Variants in POLR3C observed in about 807,000 individuals in gnomAD.
POLR3C encodes the protein RNA polymerase III subunit C.
In POLR3C, 44 loss-of-function variants were observed where a neutral mutation model predicts 65.9. The ratio of observed to expected loss-of-function variants is 0.67; its 90% CI spans 0.52 to 0.86. POLR3C has a LOEUF of 0.86. POLR3C is among the 40% of genes least tolerant of loss of function. The pLI is 0.00. For synonymous variants in POLR3C, 263 were observed against 231.6 expected (o/e 1.14, Z -1.23); for missense variants, 576 against 653.2 (o/e 0.88, Z 1.29).
intron 14 of POLR3C, among the ~76,000 whole-genome samples, 183 bp from the exon 15 acceptor site, chr1:145,842,156 A>G (rs373638828): frequency 2.6e-5 from 4 of 152,256 alleles, no homozygotes; most frequent in African/African-American, 7.2e-5. Context: ...AGCAGTTTGC[A>G]TGGTGTCTGG....
chr1:145,827,149 C>A, intron 4 of POLR3C, 144 bp downstream of exon 4: 1 of 701,494 alleles, frequency 1.4e-6, no homozygotes, highest in Non-Finnish European at 2.4e-6. Flanking sequence ...AAATCATGGT[C>A]TCTGCCATGG....
At position 145,844,281 on chromosome 1, in the gene POLR3C, T is replaced by C. The variant is rs1239901202; in HGVS notation, c.*1861T>C. 6.6e-6 allele frequency among the ~76,000 whole-genome samples: 1 copy of C among 152,138 alleles called. No individual in the cohort carries two copies. The highest frequency in any genetic ancestry group is 1.5e-5 in the Non-Finnish European group (1 of 68,022). ...ATCAACCTAAGTGCCCATCAATAGA[T>C]GAAAGGCTAAAGAAAATGTATTATT... On this transcript the variant is annotated 3_prime_UTR_variant, in exon 15 of 15. Transcript: ENST00000334163.
chr1:145,825,697 G>A, intron 1 of POLR3C, 60 bp from the exon 2 acceptor site: 1 of 1,042,078 alleles, frequency 9.6e-7, no homozygotes, highest in Non-Finnish European at 1.4e-6. Flanking sequence ...TTTACACTCA[G>A]CAGCTCTGCT....
intron 7 of POLR3C, among the ~76,000 whole-genome samples, chr1:145,834,598 C>A (rs1651639315): frequency 1.3e-5 from 2 of 152,062 alleles, no homozygotes; most frequent in African/African-American, 4.8e-5. Flanking sequence ...TTGCTTGAAC[C>A]CAGGAGGCAG....
intron 14 of POLR3C, 134 bp from the exon 15 acceptor site, chr1:145,842,205 G>T: frequency 1.6e-6 from 1 of 615,432 alleles, no homozygotes; most frequent in East Asian, 2.7e-5. Context: ...ATGATCTACT[G>T]GTTCTCCTGC....
In POLR3C at chr1:145,838,226, A is replaced by G; in HGVS notation, c.1221+20A>G. On this transcript the variant is annotated intron_variant, in intron 11 of 14. Transcript: ENST00000334163. ...CTCCAGGTAACCAACCAAGGGCGTA[A>G]TAATTGCCAACCAGCAAAGCTGGCC... The G allele has an allele frequency of 6.2e-7, 1 of 1,606,366 alleles. No individual in the cohort carries two copies. The highest frequency in any genetic ancestry group is 8.5e-7 in the Non-Finnish European group (1 of 1,173,506).
chr1:145,842,292 T>C (rs1470376519), intron 14 of POLR3C, 47 bp from the exon 15 acceptor site: 1 of 1,164,458 alleles, frequency 8.6e-7, no homozygotes, highest in African/African-American at 1.5e-5. Context: ...ATCTTAAATA[T>C]GCTAATGAAC....
At chr1:145,824,524 A>G (rs992839406) in intron 1 of POLR3C, 155 bp downstream of exon 1, 2 of 1,290,008 alleles carry the variant, frequency 1.6e-6, no homozygotes, top group Non-Finnish European at 2.0e-6. Context: ...TGCTTCTCCA[A>G]AGATATGTGG....
chr1:145,834,921 C>T (rs1371148342), intron 7 of POLR3C, among the ~76,000 whole-genome samples: 4 of 151,898 alleles, frequency 2.6e-5, no homozygotes, highest in Non-Finnish European at 5.9e-5. Flanking sequence ...AGAAGGATCC[C>T]TTGAGGCCAG....
chr1:145,832,375 G>C (rs1651408886), intron 5 of POLR3C, among the ~76,000 whole-genome samples: 1 of 152,150 alleles, frequency 6.6e-6, no homozygotes, highest in Non-Finnish European at 1.5e-5. Context: ...AGTAGAAAGA[G>C]ACTTGGACAG....
At position 145,828,817 on chromosome 1, in the gene POLR3C, T is replaced by C. The variant is rs781882890; in HGVS notation, c.658T>C (p.Tyr220His). Residue 220 changes from tyrosine (Y) to histidine (H), a missense_variant, in exon 5 of 15, where the codon TAT (tyrosine) becomes CAT (histidine). Physicochemically the swap from Tyr to His is moderately conservative, Grantham distance 83 (BLOSUM62 2). Coordinates refer to ENST00000334163, the MANE Select transcript of POLR3C (RefSeq NM_006468.8). ...AGEPKAKRPK[Y>H]TTDNKEPIPD... ...GGAGCCCAAGGCCAAGAGACCAAAA[T>C]ATACTACAGATAACAAGGAGGTAAT... 6.3e-7 allele frequency: 1 copy of C among 1,589,250 alleles called. No individual in the cohort carries two copies. The highest frequency in any genetic ancestry group is 8.6e-7 in the Non-Finnish European group (1 of 1,157,442).
In POLR3C at chr1:145,828,772, T is replaced by G. The variant is rs1553726444; in HGVS notation, c.613T>G (p.Ser205Ala). 1.2e-6 allele frequency: 2 copies of G among 1,609,358 alleles called. No individual in the cohort carries two copies. The highest frequency in any genetic ancestry group is 1.7e-6 in the Non-Finnish European group (2 of 1,175,788). Residue 205 changes from serine (S) to alanine (A), a missense_variant, in exon 5 of 15, where the codon TCT (serine) becomes GCT (alanine). By Grantham distance (99) the Ser-to-Ala change is moderately conservative (BLOSUM62 1). Coordinates refer to ENST00000334163, the MANE Select transcript of POLR3C (RefSeq NM_006468.8). ...AGGGAAAGGTAAAAGGAGGAGATCA[T>G]CTGATGAAGATGCTGCTGGGGAGCC... ...LIGKGKRRRS[S>A]DEDAAGEPKA...
chr1:145,833,428 A>T, intron 6 of POLR3C, 62 bp from the exon 7 acceptor site: 1 of 1,513,230 alleles, frequency 6.6e-7, no homozygotes, highest in Non-Finnish European at 9.2e-7. Flanking sequence ...AGATATGGCC[A>T]TTGGCACATA....
At chr1:145,828,676 CCTG>C (rs1400567779) in intron 4 of POLR3C, 70 bp from the exon 5 acceptor site, 109 of 1,045,878 alleles carry the variant, frequency 1.0e-4, no homozygotes, top group Middle Eastern at 4.8e-4. Context: ...ATGAAAGACA[CCTG>C]CTCTCATGTT....
Position 145,826,664 on chromosome 1 carries a change from G to A in POLR3C, c.358G>A (p.Ala120Thr). ...LLLNGKLTMS[A>T]VVKKVADRLT... ...GTTGAACGGCAAACTGACAATGTCA[G>A]CTGTTGTGAAGAAAGTGGCAGACCG... The change falls in exon 3 of 15, where the codon GCT (alanine) becomes ACT (threonine). Residue 120 changes from alanine to threonine, a missense_variant. Transcript: ENST00000334163. 1 of 1,614,192 alleles carries A rather than the reference G, an allele frequency of 6.2e-7. No homozygotes were observed. The highest frequency in any genetic ancestry group is 8.5e-7 in the Non-Finnish European group (1 of 1,180,024).
At position 145,842,722 on chromosome 1, in the gene POLR3C, A is replaced by T. The variant is rs1553730931; in HGVS notation, c.*302A>T. ...CCTATGGTTACCTATATCCCTGGCAATAGGAAACTTCCTAAGAAGTTAATT... is the reference window on the plus strand; with the variant it reads ...CCTATGGTTACCTATATCCCTGGCATTAGGAAACTTCCTAAGAAGTTAATT... On this transcript the variant is annotated 3_prime_UTR_variant, in exon 15 of 15. Transcript: ENST00000334163. Among the ~76,000 whole-genome samples, 1 of 151,530 alleles carries T rather than the reference A, an allele frequency of 6.6e-6. No homozygotes were observed. The highest frequency in any genetic ancestry group is 1.5e-5 in the Non-Finnish European group (1 of 68,020).
intron 4 of POLR3C, 104 bp from the exon 5 acceptor site, chr1:145,828,645 G>A (rs879976986): frequency 6.3e-5 from 49 of 781,780 alleles, no homozygotes; most frequent in Admixed American, 1.7e-4. Context: ...TGATCTAGAG[G>A]CAGCTACAGA....
At chr1:145,837,452 A>T (rs1553729046) in intron 9 of POLR3C, 84 bp from the exon 10 acceptor site, 1 of 660,440 alleles carries the variant, frequency 1.5e-6, no homozygotes, top group African/African-American at 1.9e-5. Context: ...AAATTTAATT[A>T]TAAATTAGAA....
intron 7 of POLR3C, among the ~76,000 whole-genome samples, chr1:145,835,144 CAAAAAAAAA>C (rs56819606): frequency 3.8e-4 from 18 of 47,320 alleles, no homozygotes; most frequent in African/African-American, 1.0e-3. Context: ...AACCCTATTT[CAAAAAAAAA>C]AAAAAAAAAA....
Sources: gnomAD v4.1 joint callset for allele counts (sites outside exome capture counted in the v4.1 genomes callset) on GRCh38, gnomAD v4.1.1 for gene constraint, MANE v1.5 for transcripts, NCBI Gene and HGNC (gene_info 2026-07-23, HGNC 2026-07-21) for gene names.